Variants in SP4 observed in about 807,000 individuals in gnomAD.
SP4 encodes Sp4 transcription factor.
SP4 carries 19 observed loss-of-function variants against 72.8 expected under a neutral mutation model. That is an observed-to-expected ratio of 0.26 (90% confidence interval 0.18 to 0.38). SP4 has a LOEUF of 0.38. Among genes scored for constraint, SP4 ranks in the 10% least tolerant of loss-of-function variants. The probability of loss-of-function intolerance (pLI) is 1.00; values close to 1 mark genes in which losing one functional copy is unlikely to be tolerated. For synonymous variants in SP4, 395 were observed against 333.1 expected, an observed-to-expected ratio of 1.19 and a Z score of -2.02; for missense variants, 1,008 against 926.3, an observed-to-expected ratio of 1.09 and a Z score of -1.14.
At chr7:21,489,243 A>G (rs1008189726) in intron 5 of SP4, among the ~76,000 whole-genome samples, 1 of 152,178 alleles carries the variant, frequency 6.6e-6, no homozygotes, top group Admixed American at 6.5e-5. Flanking sequence ...TGAAACTTCA[A>G]TTTTTTTAAC....
chr7:21,482,274 AT>A (rs1013496466), intron 5 of SP4, 151 bp downstream of exon 5: 3 of 628,100 alleles, frequency 4.8e-6, no homozygotes, highest in African/African-American at 3.7e-5. Context: ...TAAGATGAAC[AT>A]TTTTAACCTC....
rs974698207 is a variant in SP4 at position 21,476,993 on chromosome 7, T to A, written c.1679-86T>A. ...ACTTTACACAGATTGTTAGAAAAAA[T>A]TTATTATGCACATAGATTTTTTTTT... On this transcript the variant is annotated intron_variant, in intron 3 of 5. Coordinates refer to ENST00000222584, the MANE Select transcript of SP4 (RefSeq NM_003112.5). 1.3e-5 allele frequency: 13 copies of A among 977,504 alleles called. No homozygotes were observed. The East Asian group carries it at 1.6e-4, about 12-fold the overall frequency. The allele number at this position is 977,504 out of a possible 1,614,324, so 60.6% of individuals were successfully genotyped here.
chr7:21,468,595 T>C (rs1784238978), intron 3 of SP4, among the ~76,000 whole-genome samples: 1 of 151,994 alleles, frequency 6.6e-6, no homozygotes, highest in Admixed American at 6.5e-5. Flanking sequence ...CTCTTGTATT[T>C]GGCCATCTCG....
rs933645688 is a variant in SP4 at position 21,428,704 on chromosome 7, C to G, written c.35C>G (p.Ala12Gly). The G allele has an allele frequency of 5.2e-6, 8 of 1,553,064 alleles. No individual in the cohort carries two copies. In the African/African-American group the frequency reaches 6.9e-5, roughly 13 times the overall value. ...SDQKKEEEEE[A>G]AAAAAMATEG... ...CAGAAGAAGGAGGAGGAGGAGGAGG[C>G]GGCAGCGGCAGCGGCGATGGCTACA... The change falls in exon 2 of 6, where the codon GCG (alanine) becomes GGG (glycine). Residue 12 changes from alanine (A) to glycine (G), a missense_variant. Around this residue, in one of 3 missense-constraint regions of SP4, gnomAD observed 893 missense variants for 743.3 expected, o/e 1.20. Transcript: ENST00000222584.
intron 5 of SP4, chr7:21,482,843 T>C (rs977920027): frequency 1.5e-6 from 1 of 678,506 alleles, no homozygotes; most frequent in Non-Finnish European, 1.8e-6. Context: ...TTTGCATATA[T>C]GAATTTCCTT....
At chr7:21,496,550 G>T (rs1004983716) in intron 5 of SP4, among the ~76,000 whole-genome samples, 1 of 152,150 alleles carries the variant, frequency 6.6e-6, no homozygotes, top group Non-Finnish European at 1.5e-5. Context: ...AGTTACTCTT[G>T]CTGCTTTCTA....
rs1783651394 is a variant in SP4 at position 21,453,098 on chromosome 7, T to G, written c.1678+22255T>G. Among the ~76,000 whole-genome samples the G allele has an allele frequency of 2.6e-5, 4 of 152,196 alleles. No homozygotes were observed. In the South Asian group the frequency reaches 8.3e-4, roughly 32 times the overall value. On this transcript the variant is annotated intron_variant, in intron 3 of 5. Transcript: ENST00000222584. ...CGACCTACTCAATTGTTAAAAGCTG[T>G]AAATAGCTCAAAAGTTTTCTTGGCG... is the stretch of plus-strand genomic sequence containing the variant.
At chr7:21,460,808 G>T (rs1426855406) in intron 3 of SP4, among the ~76,000 whole-genome samples, 1 of 152,116 alleles carries the variant, frequency 6.6e-6, no homozygotes, top group Non-Finnish European at 1.5e-5. Context: ...GCTAGACACA[G>T]AATGCTGATT....
At chr7:21,440,871 ACAACAACAACAACAACAG>A (rs907297849) in intron 3 of SP4, among the ~76,000 whole-genome samples, 23 of 14,438 alleles carry the variant, frequency 1.6e-3, no homozygotes, top group East Asian at 0.036. Flanking sequence ...AACAACAACA[ACAACAACAACAACAACAG>A]CAGCAAACAG....
At chr7:21,486,784 A>G (rs1252742184) in intron 5 of SP4, among the ~76,000 whole-genome samples, 4 of 152,222 alleles carry the variant, frequency 2.6e-5, no homozygotes, top group Admixed American at 6.5e-5. Flanking sequence ...GAAGCAAGTC[A>G]CTAAGTTCAG....
chr7:21,446,597 CTTTCA>C (rs2128396703), intron 3 of SP4, among the ~76,000 whole-genome samples: 2 of 152,202 alleles, frequency 1.3e-5, no homozygotes, highest in South Asian at 2.1e-4. Context: ...ACTTGAGGTA[CTTTCA>C]TTTAGTGTTA....
chr7:21,489,362 C>G (rs566760599), intron 5 of SP4, among the ~76,000 whole-genome samples: 1 of 151,962 alleles, frequency 6.6e-6, no homozygotes, highest in East Asian at 1.9e-4. Context: ...ACCATGTCAC[C>G]CAGGCCAGAA....
In SP4 at chr7:21,469,758, A is replaced by G. The variant is rs552144456; in HGVS notation, c.1679-7321A>G. Among the ~76,000 whole-genome samples the G allele has an allele frequency of 7.2e-4, 110 of 152,136 alleles. 1 individual carries two copies. Among genetic ancestry groups the G allele is most frequent in the African/African-American group, 2.4e-3 (99 of 41,520 alleles). On this transcript the variant is annotated intron_variant, in intron 3 of 5. Coordinates refer to ENST00000222584, the MANE Select transcript of SP4 (RefSeq NM_003112.5). ...AAGATTTCACCATATTGGCCAGGCT[A>G]GGACTAGTTGGTCTCAAACTCCTGA... is the stretch of plus-strand genomic sequence containing the variant.
chr7:21,432,125 G>C (rs1274257240), intron 3 of SP4, among the ~76,000 whole-genome samples: 1 of 152,212 alleles, frequency 6.6e-6, no homozygotes, highest in Non-Finnish European at 1.5e-5. Flanking sequence ...TGTGTGTGGG[G>C]CAACTGAGGA....
intron 5 of SP4, among the ~76,000 whole-genome samples, chr7:21,498,426 A>G (rs1781779538): frequency 5.9e-5 from 9 of 152,148 alleles, no homozygotes; most frequent in Admixed American, 5.9e-4. Context: ...CAGGTAAATG[A>G]TACTGGAAAA....
chr7:21,437,237 A>G (rs1783078319), intron 3 of SP4, among the ~76,000 whole-genome samples: 1 of 152,236 alleles, frequency 6.6e-6, no homozygotes, highest in South Asian at 2.1e-4. Context: ...GCTCTTGAGC[A>G]TTTTAAAAAA....
At chr7:21,489,014 C>G (rs1331297511) in intron 5 of SP4, among the ~76,000 whole-genome samples, 1 of 152,096 alleles carries the variant, frequency 6.6e-6, no homozygotes, top group Non-Finnish European at 1.5e-5. Context: ...GGATCTTTAA[C>G]CAGATCTCAA....
intron 3 of SP4, 84 bp downstream of exon 3, chr7:21,430,927 C>A: frequency 1.0e-6 from 1 of 987,062 alleles, no homozygotes; most frequent in Non-Finnish European, 1.5e-6. Flanking sequence ...TAAGGTTTGA[C>A]GTAGACCTCT....
intron 3 of SP4, among the ~76,000 whole-genome samples, chr7:21,456,294 T>C (rs944611961): frequency 6.6e-6 from 1 of 152,144 alleles, no homozygotes; most frequent in East Asian, 1.9e-4. Flanking sequence ...GGCAAACTGC[T>C]TCAAAAGACA....
Sources: allele counts gnomAD v4.1 joint callset (sites outside exome capture counted in the v4.1 genomes callset), GRCh38; gene constraint gnomAD v4.1.1; regional missense constraint gnomAD v4.1.1; transcripts MANE v1.5; gene names NCBI Gene and HGNC (gene_info 2026-07-23, HGNC 2026-07-21).